Variants in COMT observed in about 807,000 individuals in gnomAD.
COMT encodes catechol O-methyltransferase.
Under a neutral mutation model 18.9 loss-of-function variants are expected in COMT, and 13 were observed. The observed-to-expected ratio is 0.69, with a 90% CI of 0.45 to 1.09. COMT has a LOEUF of 1.09. COMT is among the 50% of genes least tolerant of loss of function. COMT has a pLI of 0.00. For synonymous variants in COMT, 150 were observed against 160.9 expected (o/e 0.93, Z 0.51); for missense variants, 329 against 361.8 (o/e 0.91, Z 0.73).
In COMT at chr22:19,962,809, A is replaced by G. The variant is rs1443470530; in HGVS notation, c.283A>G (p.Lys95Glu). ...GGAGTGGGCCATGAACGTGGGCGAC[A>G]AGAAAGGTGGGGTCCGGGCCAGCAG... ...QKEWAMNVGD[K>E]KGKIVDAVIQ... Residue 95 changes from lysine to glutamate, a missense_variant, in exon 3 of 6, where the codon AAG becomes GAG. Lys to Glu is a moderately conservative substitution (Grantham distance 56). Transcript: ENST00000361682. 1 of 1,604,076 alleles carries G rather than the reference A, an allele frequency of 6.2e-7. No homozygotes were observed. Among genetic ancestry groups the G allele is most frequent in the Non-Finnish European group, 8.5e-7 (1 of 1,172,130 alleles).
At position 19,962,503 on chromosome 22, in the gene COMT, CG is replaced by C. The variant is rs1033358503; in HGVS notation, c.1-23del. ...CTGCAGGAGGAGCACAGAGCACTGG[CG>C]CCCCTCCCCTCCCGCCCTGCAGATG... On this transcript the variant is annotated intron_variant, in intron 2 of 5. Coordinates refer to ENST00000361682, the MANE Select transcript of COMT (RefSeq NM_000754.4). 10 of 1,543,236 alleles carry C rather than the reference CG, an allele frequency of 6.5e-6. No individual in the cohort carries two copies. The African/African-American group carries it at 1.2e-4, about 19-fold the overall frequency.
In COMT at chr22:19,962,202, G is replaced by A. The variant is rs1393666377; in HGVS notation, c.1-325G>A. On this transcript the variant is annotated intron_variant, in intron 2 of 5. Coordinates refer to ENST00000361682, the MANE Select transcript of COMT (RefSeq NM_000754.4). Reference sequence around the variant, plus strand: ...AGCTGGGAGACAACAGCCTGAGTCCGTGTCTGCTTCTGTATTTTGTGTGGT... The same window carrying A: ...AGCTGGGAGACAACAGCCTGAGTCCATGTCTGCTTCTGTATTTTGTGTGGT... The A allele has an allele frequency of 4.1e-5, 17 of 415,348 alleles. No homozygotes were observed. Among genetic ancestry groups the A allele is most frequent in the Non-Finnish European group, 6.3e-5 (14 of 221,678 alleles). The allele number at this position is 415,348 out of a possible 1,614,324, so 25.7% of individuals were successfully genotyped here.
intron 1 of COMT, among the ~76,000 whole-genome samples, chr22:19,957,573 TTCATGC>T (rs1437515540): frequency 6.6e-6 from 1 of 152,254 alleles, no homozygotes; most frequent in Non-Finnish European, 1.5e-5. Context: ...GCCCAGAAGC[TTCATGC>T]TCTTTAGAGC....
intron 1 of COMT, chr22:19,951,108 C>T (rs1941924851): frequency 1.3e-5 from 2 of 152,096 alleles, no homozygotes; most frequent in African/African-American, 2.4e-5. Context: ...GCCTGTAATC[C>T]CAGCACTTTG....
At chr22:19,952,327 G>A (rs113047423) in intron 1 of COMT, among the ~76,000 whole-genome samples, 4,851 of 152,024 alleles carry the variant, frequency 0.032, 201 homozygotes, top group African/African-American at 0.092. Flanking sequence ...GGGCGACAGA[G>A]CAAGACCCTG....
intron 5 of COMT, among the ~76,000 whole-genome samples, chr22:19,966,186 A>T (rs557457134): frequency 6.6e-6 from 1 of 152,330 alleles, no homozygotes; most frequent in African/African-American, 2.4e-5. Context: ...TGTCCTTGTT[A>T]AACGCACATC....
chr22:19,963,500 C>G (rs1336973602), intron 3 of COMT, 66 bp from the exon 4 acceptor site: 17 of 1,565,562 alleles, frequency 1.1e-5, no homozygotes, highest in Non-Finnish European at 1.2e-5. Flanking sequence ...GGGGGCCGTG[C>G]CTGGGGATCC....
chr22:19,943,747 C>G (rs1941788772), intron 1 of COMT, among the ~76,000 whole-genome samples: 1 of 152,098 alleles, frequency 6.6e-6, no homozygotes, highest in Non-Finnish European at 1.5e-5. Flanking sequence ...TACAGGGCAG[C>G]AGTTGAGGTT....
chr22:19,948,148 T>A (rs1465441932), intron 1 of COMT, among the ~76,000 whole-genome samples: 1 of 152,258 alleles, frequency 6.6e-6, no homozygotes, highest in African/African-American at 2.4e-5. Context: ...CTATATCTAA[T>A]GTAACTATTC....
rs202111640 is a variant in COMT at position 19,968,691 on chromosome 22, G to A, written c.771G>A (p.Leu257=). 14 of 1,613,768 alleles carry A rather than the reference G, an allele frequency of 8.7e-6. No individual in the cohort carries two copies. In the East Asian group the frequency reaches 2.9e-4, roughly 33 times the overall value. ...FLEYREVVDG[L]EKAIYKGPGS... is the part of the protein sequence containing the mutation. ...AATACAGGGAGGTGGTGGACGGCCTGGAGAAGGCCATCTACAAGGGCCCAG... is the reference window on the plus strand; with the variant it reads ...AATACAGGGAGGTGGTGGACGGCCTAGAGAAGGCCATCTACAAGGGCCCAG... Residue 257 remains leucine (L), a synonymous_variant, in exon 6 of 6, where the codon CTG becomes CTA. Coordinates refer to ENST00000361682, the MANE Select transcript of COMT (RefSeq NM_000754.4).
At chr22:19,953,581 C>A (rs143293183) in intron 1 of COMT, among the ~76,000 whole-genome samples, 4 of 152,322 alleles carry the variant, frequency 2.6e-5, no homozygotes, top group African/African-American at 9.6e-5. Flanking sequence ...GCGTGAGCCA[C>A]TGCACCCAGC....
intron 1 of COMT, among the ~76,000 whole-genome samples, chr22:19,956,722 C>T (rs1942072541): frequency 6.6e-6 from 1 of 151,710 alleles, no homozygotes; most frequent in South Asian, 2.1e-4. Context: ...AGCCTAGAAA[C>T]CAGGTCATAT....
Position 19,946,602 on chromosome 22 carries a change from A to G in COMT, c.-92+4705A>G, listed in dbSNP as rs556795368. 1.0e-3 allele frequency among the ~76,000 whole-genome samples: 153 copies of G among 152,316 alleles called. 1 individual carries two copies. The highest frequency in any genetic ancestry group is 1.9e-3 in the Non-Finnish European group (129 of 68,032). On this transcript the variant is annotated intron_variant, in intron 1 of 5. Transcript: ENST00000361682. The stretch of plus-strand genomic sequence containing the variant: ...GCACTTTGCCCTGTAGCTGATTGCA[A>G]GAGATTTCAGGAAAGCATCAGAGTA...
intron 1 of COMT, among the ~76,000 whole-genome samples, chr22:19,957,915 C>T (rs981525491): frequency 2.6e-5 from 4 of 152,160 alleles, no homozygotes; most frequent in Non-Finnish European, 5.9e-5. Flanking sequence ...TTGTATGGCT[C>T]TACCATGTTT....
chr22:19,951,805 A>C (rs1941945164), intron 1 of COMT, among the ~76,000 whole-genome samples: 1 of 152,148 alleles, frequency 6.6e-6, no homozygotes. Context: ...CAAAAGCAGG[A>C]AGGGAGGGTT....
At chr22:19,965,484 G>A (rs1942339581) in intron 5 of COMT, 1 of 152,176 alleles carries the variant, frequency 6.6e-6, no homozygotes, top group African/African-American at 2.4e-5. Context: ...TGGGACTACA[G>A]GCGCGCGCTG....
chr22:19,969,101 T>G lies in COMT; in HGVS notation c.*365T>G. 4.3e-6 allele frequency: 1 copy of G among 232,274 alleles called. No individual in the cohort carries two copies. Among genetic ancestry groups the G allele is most frequent in the South Asian group, 5.1e-5 (1 of 19,704 alleles). The allele number at this position is 232,274 out of a possible 1,614,324, so 14.4% of individuals were successfully genotyped here. A position where few individuals can be genotyped will look rare whatever the true frequency, so the allele number is the denominator to read the frequency against. ...GACTTGGGCACCAAACATTCAAAGCTCCCCTTGACGGACGCTAACGCTAAG... is the reference window on the plus strand; with the variant it reads ...GACTTGGGCACCAAACATTCAAAGCGCCCCTTGACGGACGCTAACGCTAAG... On this transcript the variant is annotated 3_prime_UTR_variant, in exon 6 of 6. Transcript: ENST00000361682.
At chr22:19,958,280 T>A (rs1464584210) in intron 1 of COMT, among the ~76,000 whole-genome samples, 1 of 150,824 alleles carries the variant, frequency 6.6e-6, no homozygotes, top group African/African-American at 2.4e-5. Context: ...TCCTCCCGCC[T>A]CAGCCTCCCA....
At chr22:19,947,412 G>A (rs1205068221) in intron 1 of COMT, among the ~76,000 whole-genome samples, 3 of 152,130 alleles carry the variant, frequency 2.0e-5, no homozygotes, top group Admixed American at 6.5e-5. Context: ...TAGTGGCCCC[G>A]AATGCCAGGC....
Sources: gnomAD v4.1 joint callset for allele counts (sites outside exome capture counted in the v4.1 genomes callset) on GRCh38, gnomAD v4.1.1 for gene constraint, MANE v1.5 for transcripts, NCBI Gene and HGNC (gene_info 2026-07-23, HGNC 2026-07-21) for gene names.